The following LRRC75A variants were observed in gnomAD, a reference collection of about 807,000 sequenced individuals.
The protein encoded by LRRC75A is leucine-rich repeat-containing protein 75A.
In LRRC75A, 12 loss-of-function variants were observed where a neutral mutation model predicts 26.0. The ratio of observed to expected loss-of-function variants is 0.46; its 90% CI spans 0.30 to 0.75. LRRC75A has a LOEUF of 0.75. Among genes scored for constraint, LRRC75A ranks in the 30% least tolerant of loss-of-function variants. The pLI, the probability that LRRC75A is intolerant of heterozygous loss-of-function variation, is 0.08. For synonymous variants in LRRC75A, 223 were observed against 219.3 expected (o/e 1.02, Z -0.15); for missense variants, 410 against 486.6 (o/e 0.84, Z 1.48).
chr17:16,487,406 A>T (rs1331437858), intron 1 of LRRC75A, among the ~76,000 whole-genome samples: 3 of 152,108 alleles, frequency 2.0e-5, no homozygotes. Flanking sequence ...ATCTCCAGGG[A>T]GTCTCCAGGT....
At chr17:16,459,984 G>A (rs2093715235) in intron 2 of LRRC75A, among the ~76,000 whole-genome samples, 2 of 152,202 alleles carry the variant, frequency 1.3e-5, no homozygotes, top group Admixed American at 6.5e-5. Context: ...GCAATGGACT[G>A]AATGTTGGTA....
At chr17:16,457,148 G>A (rs1161685002) in intron 2 of LRRC75A, among the ~76,000 whole-genome samples, 1 of 152,022 alleles carries the variant, frequency 6.6e-6, no homozygotes, top group East Asian at 1.9e-4. Flanking sequence ...CACTCCCCAG[G>A]CACCTCTGTA....
chr17:16,450,389 C>T (rs746458628), intron 2 of LRRC75A, among the ~76,000 whole-genome samples: 8 of 152,258 alleles, frequency 5.3e-5, no homozygotes, highest in African/African-American at 1.4e-4. Flanking sequence ...CTGAACAGAA[C>T]GGATTTGGAG....
At chr17:16,482,992 G>C (rs893219647) in intron 1 of LRRC75A, among the ~76,000 whole-genome samples, 1 of 152,244 alleles carries the variant, frequency 6.6e-6, no homozygotes, top group African/African-American at 2.4e-5. Context: ...GTGGGGACAG[G>C]CTCCATCCAG....
intron 1 of LRRC75A, among the ~76,000 whole-genome samples, chr17:16,488,273 C>G (rs2093850958): frequency 6.6e-6 from 1 of 152,242 alleles, no homozygotes; most frequent in Non-Finnish European, 1.5e-5. Context: ...CCTCTCCCAT[C>G]CAAAGCTGGC....
intron 1 of LRRC75A, among the ~76,000 whole-genome samples, chr17:16,474,473 C>T (rs148417226): frequency 1.3e-5 from 2 of 152,314 alleles, no homozygotes; most frequent in East Asian, 1.9e-4. Flanking sequence ...TCCCCAGGAC[C>T]TCTTGTGGGA....
At chr17:16,449,187 C>T (rs1006563854) in intron 2 of LRRC75A, among the ~76,000 whole-genome samples, 4 of 152,312 alleles carry the variant, frequency 2.6e-5, no homozygotes, top group South Asian at 4.1e-4. Flanking sequence ...ACGTTAACCA[C>T]GCACAGTGCT....
At chr17:16,464,037 G>A (rs749131634) in intron 1 of LRRC75A, 2 of 152,322 alleles carry the variant, frequency 1.3e-5, no homozygotes, top group African/African-American at 2.4e-5. Flanking sequence ...GCCTCTTGTG[G>A]GGAGCCCCTT....
intron 3 of LRRC75A, among the ~76,000 whole-genome samples, chr17:16,445,702 C>T (rs1250138800): frequency 6.6e-6 from 1 of 152,232 alleles, no homozygotes; most frequent in Non-Finnish European, 1.5e-5. Flanking sequence ...CAAGGCGTGA[C>T]ATTTAAATGC....
At chr17:16,463,774 A>G (rs2093746317) in intron 1 of LRRC75A, 1 of 152,224 alleles carries the variant, frequency 6.6e-6, no homozygotes, top group Admixed American at 6.5e-5. Context: ...ACAGATGGAG[A>G]CACCAAGGCC....
At chr17:16,453,270 C>A (rs1026121144) in intron 2 of LRRC75A, among the ~76,000 whole-genome samples, 3 of 151,932 alleles carry the variant, frequency 2.0e-5, no homozygotes, top group Non-Finnish European at 4.4e-5. Context: ...GCCTGGGCGC[C>A]AGAGTGGGAC....
At chr17:16,469,867 G>A (rs1424126579) in intron 1 of LRRC75A, among the ~76,000 whole-genome samples, 1 of 152,176 alleles carries the variant, frequency 6.6e-6, no homozygotes, top group Non-Finnish European at 1.5e-5. Flanking sequence ...TGAAGGGAGA[G>A]GGGAGTGGAA....
Position 16,443,615 on chromosome 17 carries a change from C to G in LRRC75A, c.1008G>C (p.Lys336Asn). 1 of 1,541,286 alleles carries G rather than the reference C, an allele frequency of 6.5e-7. No individual in the cohort carries two copies. Among genetic ancestry groups the G allele is most frequent in the Non-Finnish European group, 8.8e-7 (1 of 1,139,116 alleles). ...ACGTCTGAGCTGCAGCTACAGTCTC[C>G]TTGCCCTCATGGTGGTCTTCGGCAG... ...VAPAEDHHEG[K>N]ETVAAAQT The change falls in exon 4 of 4, where the codon AAG (lysine) becomes AAC (asparagine). Residue 336 changes from lysine (K) to asparagine (N), a missense_variant. Lys to Asn is a moderately conservative substitution (Grantham distance 94). Transcript: ENST00000470794.
In LRRC75A at chr17:16,443,131, ACCTT is replaced by A. The variant is rs2093547847; in HGVS notation, c.*453_*456del. On this transcript the variant is annotated 3_prime_UTR_variant, in exon 4 of 4. Transcript: ENST00000470794. ...TACAGGAATTTTGCTAAAGATTCCC[ACCTT>A]CCTTGAGTGGGGACACATTCCTCTG... 6.4e-6 allele frequency: 1 copy of A among 156,680 alleles called. No individual in the cohort carries two copies. Among genetic ancestry groups the A allele is most frequent in the Non-Finnish European group, 1.4e-5 (1 of 71,296 alleles). The allele number at this position is 156,680 out of a possible 1,614,324, so 9.7% of individuals were successfully genotyped here.
In LRRC75A at chr17:16,452,185, C is replaced by CA. The variant is rs71152808; in HGVS notation, c.376-4226dup. On this transcript the variant is annotated intron_variant, in intron 2 of 3. Transcript: ENST00000470794. Reference sequence around the variant, plus strand: ...TGGGCAATATAGTGAGACTTGCTCTCAAAAAAAAAAAAAAAAAAAAAAAAA... The same window carrying CA: ...TGGGCAATATAGTGAGACTTGCTCTCAAAAAAAAAAAAAAAAAAAAAAAAAA... Among the ~76,000 whole-genome samples, 757 of 80,012 alleles carry CA rather than the reference C, an allele frequency of 9.5e-3. 12 individuals are homozygous for CA. The highest frequency in any genetic ancestry group is 0.067 in the East Asian group (130 of 1,934). 52.5% of individuals were successfully genotyped at this position (80,012 alleles called of 152,430 possible). A position where few individuals can be genotyped will look rare whatever the true frequency, so the allele number is the denominator to read the frequency against.
intron 1 of LRRC75A, among the ~76,000 whole-genome samples, chr17:16,476,932 G>GA (rs1018565326): frequency 6.6e-6 from 1 of 151,664 alleles, no homozygotes; most frequent in Non-Finnish European, 1.5e-5. Context: ...TAGAGACGGG[G>GA]TTTCACCGTG....
In LRRC75A at chr17:16,443,479, C is replaced by T. The variant is rs915323978; in HGVS notation, c.*109G>A. On this transcript the variant is annotated 3_prime_UTR_variant, in exon 4 of 4. Coordinates refer to ENST00000470794, the MANE Select transcript of LRRC75A (RefSeq NM_001113567.3). ...CTTTCTGTAGGTGGGTGGCCCAGGC[C>T]AATTTTTGGCAATATCCTTAACCCA... The T allele has an allele frequency of 1.8e-6, 2 of 1,094,820 alleles. No individual in the cohort carries two copies. Among genetic ancestry groups the T allele is most frequent in the African/African-American group, 1.6e-5 (1 of 63,404 alleles). 67.8% of individuals were successfully genotyped at this position (1,094,820 alleles called of 1,614,324 possible).
At chr17:16,446,536 GC>G (rs1251773104) in intron 3 of LRRC75A, among the ~76,000 whole-genome samples, 2 of 152,198 alleles carry the variant, frequency 1.3e-5, no homozygotes, top group African/African-American at 4.8e-5. Flanking sequence ...GGCCAGTGTG[GC>G]TGGGGCGGGA....
At chr17:16,478,716 A>C (rs1425053671) in intron 1 of LRRC75A, 3 of 152,196 alleles carry the variant, frequency 2.0e-5, no homozygotes, top group African/African-American at 7.2e-5. Context: ...CCATGTCCCA[A>C]ACCAACCCCT....
Sources: allele counts gnomAD v4.1 joint callset (sites outside exome capture counted in the v4.1 genomes callset), GRCh38; gene constraint gnomAD v4.1.1; transcripts MANE v1.5; gene names NCBI Gene and HGNC (gene_info 2026-07-23, HGNC 2026-07-21).